STARD13: variants seen among roughly 807,000 people sequenced by gnomAD.
The protein encoded by STARD13 is stAR-related lipid transfer protein 13.
Under a neutral mutation model 106.4 loss-of-function variants are expected in STARD13, and 62 were observed. That is an observed-to-expected ratio of 0.58 (90% CI 0.48 to 0.72). The LOEUF (loss-of-function observed/expected upper bound fraction) is 0.72. STARD13 is among the 30% of genes least tolerant of loss of function. The probability of loss-of-function intolerance (pLI) is 0.00; values close to 1 mark genes in which losing one functional copy is unlikely to be tolerated. For synonymous variants in STARD13, 565 were observed against 553.0 expected, an observed-to-expected ratio of 1.02 and a Z score of -0.31; for missense variants, 1,387 against 1,424.0, an observed-to-expected ratio of 0.97 and a Z score of 0.42.
chr13:33,391,443 G>T, the STARD13 span, among the ~76,000 whole-genome samples: 48 of 152,260 alleles, frequency 3.2e-4, no homozygotes, highest in African/African-American at 1.0e-3. Context: ...GAGCAGTGTT[G>T]CTTTAGTGAG....
At chr13:33,499,609 T>TCTTCTTC in the STARD13 span, among the ~76,000 whole-genome samples, 2 of 74,400 alleles carry the variant, frequency 2.7e-5, no homozygotes, top group African/African-American at 6.1e-5. Context: ...TCTTCTTTCT[T>TCTTCTTC]CTTCTTCTTC....
chr13:33,301,568 C>CTTTTTTTTTTTT (rs11393186), intron 1 of STARD13, among the ~76,000 whole-genome samples: 13 of 72,054 alleles, frequency 1.8e-4, no homozygotes, highest in South Asian at 8.8e-4. Flanking sequence ...CTTTTTTTTT[C>CTTTTTTTTTTTT]TTTTTTTTTT....
the STARD13 span, among the ~76,000 whole-genome samples, chr13:33,448,798 C>T: frequency 2.6e-5 from 4 of 152,120 alleles, no homozygotes; most frequent in Non-Finnish European, 5.9e-5. Flanking sequence ...AATAGTCATT[C>T]TAACCAGAAT....
chr13:33,304,389 T>A (rs981663960), intron 1 of STARD13, among the ~76,000 whole-genome samples: 1 of 152,232 alleles, frequency 6.6e-6, no homozygotes, highest in African/African-American at 2.4e-5. Flanking sequence ...CTTGTAGGAA[T>A]GTGTTTTAGT....
intron 1 of STARD13, chr13:33,186,191 G>A: frequency 1.7e-5 from 12 of 725,310 alleles, no homozygotes; most frequent in South Asian, 4.8e-5. Flanking sequence ...CCATTAAAAA[G>A]GAACACCAAA....
intron 1 of STARD13, among the ~76,000 whole-genome samples, chr13:33,314,308 T>C (rs1893249730): frequency 6.6e-6 from 1 of 152,182 alleles, no homozygotes; most frequent in South Asian, 2.1e-4. Flanking sequence ...AACCCAGTGA[T>C]GGCTAACTCA....
At chr13:33,543,076 A>T in the STARD13 span, among the ~76,000 whole-genome samples, 1 of 152,244 alleles carries the variant, frequency 6.6e-6, no homozygotes, top group Non-Finnish European at 1.5e-5. Context: ...TTTTAAGTCC[A>T]GAAGAAACGG....
At chr13:33,465,223 T>TTTTG in the STARD13 span, among the ~76,000 whole-genome samples, 1 of 138,090 alleles carries the variant, frequency 7.2e-6, no homozygotes, top group African/African-American at 2.9e-5. Flanking sequence ...TTTTTTTTTT[T>TTTTG]GAGACGGCAT....
the STARD13 span, among the ~76,000 whole-genome samples, chr13:33,358,782 G>A: frequency 1.3e-5 from 2 of 151,848 alleles, no homozygotes; most frequent in East Asian, 3.9e-4. Flanking sequence ...TCTAGCTCAG[G>A]GATTGTAAAT....
At chr13:33,525,274 TG>T in the STARD13 span, among the ~76,000 whole-genome samples, 2 of 152,142 alleles carry the variant, frequency 1.3e-5, no homozygotes, top group South Asian at 4.1e-4. Flanking sequence ...CCTCCTGCTT[TG>T]GCCTCCCAAA....
chr13:33,581,301 A>T, the STARD13 span, among the ~76,000 whole-genome samples: 2 of 152,232 alleles, frequency 1.3e-5, no homozygotes, highest in African/African-American at 4.8e-5. Context: ...ATCTAAATAT[A>T]GTAGATCTAT....
intron 1 of STARD13, among the ~76,000 whole-genome samples, chr13:33,276,430 C>T (rs201922412): frequency 2.0e-5 from 3 of 152,230 alleles, no homozygotes; most frequent in East Asian, 3.9e-4. Flanking sequence ...GAGTGAGAAT[C>T]GTTGGAATAT....
At chr13:33,599,693 T>A in the STARD13 span, among the ~76,000 whole-genome samples, 2 of 152,086 alleles carry the variant, frequency 1.3e-5, no homozygotes, top group Non-Finnish European at 2.9e-5. Flanking sequence ...ACTACTGAAC[T>A]AGCGCTATGA....
At chr13:33,443,837 C>T in the STARD13 span, among the ~76,000 whole-genome samples, 3 of 144,304 alleles carry the variant, frequency 2.1e-5, no homozygotes, top group African/African-American at 5.2e-5. Context: ...TGAGCTGAGC[C>T]GAGATTGTGC....
At chr13:33,352,256 G>T (rs2078085740), upstream of STARD13, among the ~76,000 whole-genome samples, 1 of 152,130 alleles carries the variant, frequency 6.6e-6, no homozygotes, top group South Asian at 2.1e-4. Flanking sequence ...GTAACAAAAT[G>T]CTCTGCAAAG....
chr13:33,175,740 T>C (rs943064206), intron 1 of STARD13, among the ~76,000 whole-genome samples: 7 of 152,228 alleles, frequency 4.6e-5, no homozygotes, highest in African/African-American at 1.4e-4. Context: ...TCAGATTTCT[T>C]AGCTTTTGAC....
the STARD13 span, among the ~76,000 whole-genome samples, chr13:33,416,788 C>T: frequency 3.3e-5 from 5 of 151,994 alleles, no homozygotes; most frequent in African/African-American, 4.8e-5. Context: ...TTTAGTTAGG[C>T]AAAGCCTTCT....
At chr13:33,411,896 A>G in the STARD13 span, among the ~76,000 whole-genome samples, 3 of 152,226 alleles carry the variant, frequency 2.0e-5, no homozygotes, top group East Asian at 5.8e-4. Context: ...TGAGAAATAA[A>G]GACATTATCA....
At chr13:33,563,526 C>A in the STARD13 span, among the ~76,000 whole-genome samples, 562 of 147,252 alleles carry the variant, frequency 3.8e-3, 51 homozygotes, top group Non-Finnish European at 5.7e-3. Context: ...GATAACCATA[C>A]ACAAAATAAT....
Sources: allele counts gnomAD v4.1 joint callset (sites outside exome capture counted in the v4.1 genomes callset), GRCh38; gene constraint gnomAD v4.1.1; transcripts MANE v1.5; gene names NCBI Gene and HGNC (gene_info 2026-07-23, HGNC 2026-07-21).